HPSE2: variants seen among roughly 807,000 people sequenced by gnomAD.
HPSE2 encodes inactive heparanase-2.
HPSE2 carries 38 observed loss-of-function variants against 60.5 expected under a neutral mutation model. That is an observed-to-expected ratio of 0.63 (90% CI 0.48 to 0.82). HPSE2 has a LOEUF of 0.82. Ranked by LOEUF, HPSE2 falls within the 40% of genes least tolerant of loss-of-function variation. The pLI is 0.00. For synonymous variants in HPSE2, 295 were observed against 293.2 expected, an observed-to-expected ratio of 1.01 and a Z score of -0.06; for missense variants, 713 against 740.4, an observed-to-expected ratio of 0.96 and a Z score of 0.43.
intron 9 of HPSE2, among the ~76,000 whole-genome samples, chr10:98,565,663 A>G (rs975793231): frequency 6.6e-6 from 1 of 152,150 alleles, no homozygotes; most frequent in Admixed American, 6.5e-5. Context: ...TTATAGTAGA[A>G]TGATTTATAT....
the HPSE2 span, among the ~76,000 whole-genome samples, chr10:99,246,083 CA>C: frequency 6.6e-6 from 1 of 152,110 alleles, no homozygotes; most frequent in East Asian, 1.9e-4. Flanking sequence ...TACAAGGATA[CA>C]AAAACATCAA....
intron 3 of HPSE2, among the ~76,000 whole-genome samples, chr10:98,926,242 A>AT (rs1380917468): frequency 2.0e-5 from 3 of 152,128 alleles, no homozygotes; most frequent in Admixed American, 6.6e-5. Context: ...TTTAAGTTTT[A>AT]TTTTTTAAAT....
chr10:98,480,146 TG>T (rs879459712), intron 11 of HPSE2, among the ~76,000 whole-genome samples: 1 of 151,690 alleles, frequency 6.6e-6, no homozygotes, highest in Non-Finnish European at 1.5e-5. Context: ...TGGAGTGCAG[TG>T]GTGTGATCTC....
chr10:99,282,803 G>A, the HPSE2 span, among the ~76,000 whole-genome samples: 59 of 152,038 alleles, frequency 3.9e-4, no homozygotes, highest in African/African-American at 1.4e-3. Flanking sequence ...AATACACTGC[G>A]ACAAATAAAA....
At chr10:98,691,931 T>G (rs2134165224) in intron 6 of HPSE2, among the ~76,000 whole-genome samples, 1 of 152,316 alleles carries the variant, frequency 6.6e-6, no homozygotes, top group East Asian at 1.9e-4. Context: ...TTTTTCCACA[T>G]AGTAAATGCC....
intron 3 of HPSE2, among the ~76,000 whole-genome samples, chr10:99,031,310 G>T (rs1957493527): frequency 6.6e-6 from 1 of 152,056 alleles, no homozygotes; most frequent in South Asian, 2.1e-4. Context: ...TGTTTAATGT[G>T]AAGAATTTTC....
At chr10:99,272,807 A>G in the HPSE2 span, among the ~76,000 whole-genome samples, 24 of 152,326 alleles carry the variant, frequency 1.6e-4, no homozygotes, top group South Asian at 4.1e-4. Context: ...AAAAGGGAAC[A>G]CTTTTACACT....
At chr10:99,225,568 T>C (rs892455622) in intron 2 of HPSE2, among the ~76,000 whole-genome samples, 3 of 152,120 alleles carry the variant, frequency 2.0e-5, no homozygotes, top group Non-Finnish European at 4.4e-5. Context: ...AATTTTAGGA[T>C]CTGTCTTTTA....
At chr10:99,181,397 C>CAAAAAAAT (rs1847768641) in intron 2 of HPSE2, among the ~76,000 whole-genome samples, 1 of 104,780 alleles carries the variant, frequency 9.5e-6, no homozygotes, top group Non-Finnish European at 1.7e-5. Flanking sequence ...GACTCCGTCT[C>CAAAAAAAT]AAAAAAAAAA....
At chr10:98,898,838 C>T (rs1953575268) in intron 3 of HPSE2, among the ~76,000 whole-genome samples, 2 of 152,058 alleles carry the variant, frequency 1.3e-5, no homozygotes, top group Non-Finnish European at 2.9e-5. Flanking sequence ...CAGAAATAAA[C>T]AAAACTTATT....
At chr10:98,554,774 C>T (rs916041277) in intron 9 of HPSE2, among the ~76,000 whole-genome samples, 2 of 152,170 alleles carry the variant, frequency 1.3e-5, no homozygotes, top group South Asian at 2.1e-4. Context: ...AAGAGGTTTG[C>T]GTGTTAGTCT....
At chr10:99,243,297 G>A in the HPSE2 span, among the ~76,000 whole-genome samples, 1 of 151,768 alleles carries the variant, frequency 6.6e-6, no homozygotes, top group East Asian at 1.9e-4. Context: ...AGGTTGCAGT[G>A]AGCTGAGATT....
chr10:98,752,264 A>G (rs959835054), intron 3 of HPSE2, among the ~76,000 whole-genome samples: 5 of 152,224 alleles, frequency 3.3e-5, no homozygotes, highest in Non-Finnish European at 7.3e-5. Flanking sequence ...TGGGAACAAA[A>G]GAGCTGCATA....
chr10:98,560,234 T>C (rs1337711858), intron 9 of HPSE2, among the ~76,000 whole-genome samples: 3 of 152,184 alleles, frequency 2.0e-5, no homozygotes, highest in African/African-American at 7.2e-5. Context: ...GGAAGTCTTG[T>C]CCTCCAATCA....
intron 3 of HPSE2, among the ~76,000 whole-genome samples, chr10:98,893,202 G>T (rs1052797886): frequency 2.6e-5 from 4 of 152,086 alleles, no homozygotes; most frequent in Admixed American, 2.6e-4. Flanking sequence ...CGAGCAGCTG[G>T]GATTACAGGC....
chr10:99,048,534 T>C (rs749222550), intron 3 of HPSE2, among the ~76,000 whole-genome samples: 15 of 152,082 alleles, frequency 9.9e-5, no homozygotes, highest in Non-Finnish European at 1.9e-4. Context: ...TGAGATACCA[T>C]CTCAAAGCAG....
rs138466718 is a variant in HPSE2, at chr10:98,983,020, A to G, written c.610+161218T>C. 3.2e-3 allele frequency among the ~76,000 whole-genome samples: 481 copies of G among 152,296 alleles called. 4 individuals carry two copies. The highest frequency in any genetic ancestry group is 0.011 in the African/African-American group (458 of 41,564). ...CTACTCAACAAATATTGTTCATATA[A>G]TCAATATTTACTGGCTACTATTAAA... On this transcript the variant is annotated intron_variant, in intron 3 of 11. Coordinates refer to ENST00000370552, the MANE Select transcript of HPSE2 (RefSeq NM_021828.5).
chr10:99,252,087 T>C, the HPSE2 span, among the ~76,000 whole-genome samples: 1 of 151,988 alleles, frequency 6.6e-6, no homozygotes, highest in African/African-American at 2.4e-5. Context: ...TCTCAATAGA[T>C]GCAGAAAAAG....
intron 3 of HPSE2, among the ~76,000 whole-genome samples, chr10:98,973,983 T>G (rs1304395409): frequency 6.6e-6 from 1 of 151,624 alleles, no homozygotes; most frequent in Non-Finnish European, 1.5e-5. Flanking sequence ...TGGGGAAGAG[T>G]AAATGATCAA....
Sources: allele counts gnomAD v4.1 joint callset (sites outside exome capture counted in the v4.1 genomes callset), GRCh38; gene constraint gnomAD v4.1.1; transcripts MANE v1.5; gene names NCBI Gene and HGNC (gene_info 2026-07-23, HGNC 2026-07-21).